Variants in PDE1A observed in about 807,000 individuals in gnomAD.
The protein encoded by PDE1A is phosphodiesterase 1A.
In PDE1A, 35 loss-of-function variants were observed where a neutral mutation model predicts 61.7. The ratio of observed to expected loss-of-function variants is 0.57; its 90% CI spans 0.43 to 0.75. The LOEUF (loss-of-function observed/expected upper bound fraction) is 0.75, where lower values mean the gene tolerates loss of function less well. PDE1A is among the 30% of genes least tolerant of loss of function. PDE1A has a pLI of 0.00. For missense variants in PDE1A, 597 were observed against 630.6 expected (o/e 0.95, Z 0.57); for synonymous variants, 232 against 213.2 (o/e 1.09, Z -0.77).
At chr2:182,350,101 A>G (rs1280633123) in intron 1 of PDE1A, among the ~76,000 whole-genome samples, 1 of 152,140 alleles carries the variant, frequency 6.6e-6, no homozygotes, top group East Asian at 1.9e-4. Flanking sequence ...GTGACTTCTA[A>G]CACCACAGTA....
chr2:182,193,083 G>T (rs996086410), intron 10 of PDE1A, among the ~76,000 whole-genome samples: 11 of 152,026 alleles, frequency 7.2e-5, no homozygotes, highest in African/African-American at 2.2e-4. Context: ...CGCCTCCTGG[G>T]TTCAAGCGAT....
the PDE1A span, among the ~76,000 whole-genome samples, chr2:182,616,906 G>C: frequency 1.3e-5 from 2 of 152,222 alleles, no homozygotes; most frequent in East Asian, 3.9e-4. Flanking sequence ...GGAAGTCTTT[G>C]ATTCAACAGC....
rs1377552229 is a variant in PDE1A at position 182,364,487 on chromosome 2, A to AC, written c.53+62090_53+62091insG. On this transcript the variant is annotated intron_variant, in intron 1 of 13. Transcript: ENST00000351439. ...TTGGTAAAAAAAAAAAAAAAAAAAA[A>AC]AAAAAAAAAAAACCTTATTCTGAAT... 3.1e-3 allele frequency among the ~76,000 whole-genome samples: 450 copies of AC among 147,236 alleles called. 3 individuals are homozygous for AC. Among genetic ancestry groups the AC allele is most frequent in the African/African-American group, 0.011 (427 of 40,022 alleles).
the PDE1A span, among the ~76,000 whole-genome samples, chr2:182,662,340 A>G: frequency 1.6e-4 from 12 of 73,098 alleles, no homozygotes; most frequent in South Asian, 4.7e-4. Flanking sequence ...GAAAAAAAAA[A>G]GAAAAAAAAA....
chr2:182,151,858 A>G (rs1444680295), intron 13 of PDE1A, among the ~76,000 whole-genome samples: 2 of 152,186 alleles, frequency 1.3e-5, no homozygotes, highest in Non-Finnish European at 2.9e-5. Context: ...CAATCCCTGC[A>G]TGTAAGTGGG....
intron 2 of PDE1A, among the ~76,000 whole-genome samples, chr2:182,252,345 C>T (rs1691460806): frequency 6.6e-6 from 1 of 152,136 alleles, no homozygotes; most frequent in African/African-American, 2.4e-5. Context: ...AAAGTATTTT[C>T]TGTGATCCTG....
Position 182,516,785 on chromosome 2 carries a change from A to G in PDE1A, c.101+5491T>C, listed in dbSNP as rs60909390. Among the ~76,000 whole-genome samples the G allele has an allele frequency of 3.5e-3, 434 of 123,280 alleles. 1 individual carries two copies. The highest frequency in any genetic ancestry group is 0.012 in the African/African-American group (404 of 32,778). 80.9% of individuals were successfully genotyped at this position (123,280 alleles called of 152,430 possible). A position where few individuals can be genotyped will look rare whatever the true frequency, so the allele number is the denominator to read the frequency against. On this transcript the variant is annotated intron_variant, in intron 2 of 14. Coordinates refer to the PDE1A transcript ENST00000410103. ...AAAAAGAAAGAAAGAAAGAAAGAAAAAGAAAGAAAGAGAGAAAGGAAGGAA... is the reference window on the plus strand; with the variant it reads ...AAAAAGAAAGAAAGAAAGAAAGAAAGAGAAAGAAAGAGAGAAAGGAAGGAA...
chr2:182,293,671 T>G (rs1308532162), intron 1 of PDE1A, among the ~76,000 whole-genome samples: 1 of 152,154 alleles, frequency 6.6e-6, no homozygotes. Context: ...TGTGATGACA[T>G]TTAATTTATA....
chr2:182,615,709 G>T, the PDE1A span, among the ~76,000 whole-genome samples: 1 of 152,164 alleles, frequency 6.6e-6, no homozygotes, highest in Non-Finnish European at 1.5e-5. Flanking sequence ...CACCTGATAA[G>T]GTGCTTGGTG....
the PDE1A span, among the ~76,000 whole-genome samples, chr2:182,678,583 A>C: frequency 6.6e-6 from 1 of 152,218 alleles, no homozygotes; most frequent in African/African-American, 2.4e-5. Context: ...ACTACAAACA[A>C]TAAGATTTCA....
At chr2:182,690,878 A>T in the PDE1A span, among the ~76,000 whole-genome samples, 1 of 152,336 alleles carries the variant, frequency 6.6e-6, no homozygotes, top group African/African-American at 2.4e-5. Context: ...ATTCTTATAC[A>T]CCAATAACAG....
the PDE1A span, among the ~76,000 whole-genome samples, chr2:182,599,755 T>A: frequency 1.3e-5 from 2 of 152,218 alleles, no homozygotes; most frequent in Non-Finnish European, 1.5e-5. Flanking sequence ...TTTAACTGGA[T>A]GGCCCATCTT....
At chr2:182,632,325 AC>A in the PDE1A span, among the ~76,000 whole-genome samples, 3 of 152,182 alleles carry the variant, frequency 2.0e-5, no homozygotes, top group Non-Finnish European at 2.9e-5. Flanking sequence ...AATAAATAAA[AC>A]TGATGATGTT....
intron 7 of PDE1A, among the ~76,000 whole-genome samples, chr2:182,214,823 T>C (rs1297307085): frequency 3.0e-5 from 3 of 100,322 alleles, no homozygotes; most frequent in African/African-American, 1.2e-4. Context: ...ATGGGAGACT[T>C]TAACACCCCA....
chr2:182,704,601 ACTTT>A, the PDE1A span, among the ~76,000 whole-genome samples: 3 of 152,238 alleles, frequency 2.0e-5, no homozygotes, highest in Non-Finnish European at 4.4e-5. Context: ...AATGTTTATT[ACTTT>A]ATTTAAAAAT....
chr2:182,262,955 ATG>A (rs60469609), intron 2 of PDE1A, among the ~76,000 whole-genome samples: 15,434 of 147,024 alleles, frequency 0.1, 1,161 homozygotes, highest in African/African-American at 0.2. Context: ...TTATTAAACA[ATG>A]TGTGTGTGTG....
At chr2:182,671,361 T>C in the PDE1A span, among the ~76,000 whole-genome samples, 397 of 114,178 alleles carry the variant, frequency 3.5e-3, no homozygotes, top group South Asian at 0.013. Context: ...TTTTTTTTTT[T>C]GTATTTTTAG....
chr2:182,652,479 T>A, the PDE1A span, among the ~76,000 whole-genome samples: 1 of 152,208 alleles, frequency 6.6e-6, no homozygotes, highest in African/African-American at 2.4e-5. Context: ...ATCAAAGACA[T>A]ACAATAGAGA....
chr2:182,683,938 G>A, the PDE1A span, among the ~76,000 whole-genome samples: 50 of 151,930 alleles, frequency 3.3e-4, no homozygotes, highest in Non-Finnish European at 6.2e-4. Flanking sequence ...AGACCAACAT[G>A]GAGAAACCCC....
Sources: gnomAD v4.1 joint callset for allele counts (sites outside exome capture counted in the v4.1 genomes callset) on GRCh38, gnomAD v4.1.1 for gene constraint, MANE v1.5 for transcripts, NCBI Gene and HGNC (gene_info 2026-07-23, HGNC 2026-07-21) for gene names.